LRFN2: variants seen among roughly 807,000 people sequenced by gnomAD.
LRFN2 encodes leucine-rich repeat and fibronectin type-III domain-containing protein 2.
A neutral mutation model predicts 37.3 loss-of-function variants in LRFN2; 18 were observed. The observed-to-expected ratio is 0.48, with a 90% CI of 0.33 to 0.72. LRFN2 has a LOEUF of 0.72. Among genes scored for constraint, LRFN2 ranks in the 30% least tolerant of loss-of-function variants. The pLI is 0.02. For missense variants in LRFN2, 1,006 were observed against 1,060.7 expected, an observed-to-expected ratio of 0.95 and a Z score of 0.72; for synonymous variants, 556 against 466.6, an observed-to-expected ratio of 1.19 and a Z score of -2.47.
intron 1 of LRFN2, among the ~76,000 whole-genome samples, chr6:40,568,157 T>C (rs371813016): frequency 1.3e-5 from 2 of 152,338 alleles, no homozygotes; most frequent in South Asian, 2.1e-4. Flanking sequence ...GAGAAATATG[T>C]ACAGATAACT....
chr6:40,544,913 T>C (rs935905516), intron 1 of LRFN2, among the ~76,000 whole-genome samples: 2 of 152,176 alleles, frequency 1.3e-5, no homozygotes, highest in African/African-American at 4.8e-5. Flanking sequence ...GCAGCTGTGA[T>C]GATTAGGATA....
At chr6:40,488,397 T>C (rs1219959769) in intron 1 of LRFN2, among the ~76,000 whole-genome samples, 2 of 147,894 alleles carry the variant, frequency 1.4e-5, no homozygotes, top group African/African-American at 2.5e-5. Context: ...TGCTCCTTCC[T>C]GGCACCAGCA....
intron 1 of LRFN2, among the ~76,000 whole-genome samples, chr6:40,572,287 A>C (rs1236906898): frequency 6.6e-6 from 1 of 152,222 alleles, no homozygotes; most frequent in East Asian, 1.9e-4. Context: ...AGTGCCCAGC[A>C]TGTAGTAAGT....
chr6:40,574,947 G>A (rs1166371731), intron 1 of LRFN2, among the ~76,000 whole-genome samples: 3 of 152,276 alleles, frequency 2.0e-5, no homozygotes, highest in East Asian at 1.9e-4. Flanking sequence ...AACACACTTC[G>A]CCATGAGTGT....
intron 1 of LRFN2, among the ~76,000 whole-genome samples, chr6:40,434,045 C>T (rs762893729): frequency 2.0e-4 from 30 of 152,314 alleles, no homozygotes; most frequent in Non-Finnish European, 1.2e-4. Context: ...TGCCCCGCCC[C>T]GCTGCATAGC....
At chr6:40,522,580 T>A (rs1766112959) in intron 1 of LRFN2, among the ~76,000 whole-genome samples, 1 of 152,152 alleles carries the variant, frequency 6.6e-6, no homozygotes, top group Admixed American at 6.5e-5. Context: ...GTGACCAGCT[T>A]TCCCAAAGGT....
intron 1 of LRFN2, among the ~76,000 whole-genome samples, chr6:40,538,938 C>G (rs1484520837): frequency 6.6e-6 from 1 of 152,226 alleles, no homozygotes; most frequent in Non-Finnish European, 1.5e-5. Context: ...GTGGTACCCT[C>G]TTGAATGTTG....
chr6:40,474,418 T>C (rs1764666736), intron 1 of LRFN2, among the ~76,000 whole-genome samples: 2 of 152,176 alleles, frequency 1.3e-5, no homozygotes, highest in South Asian at 4.1e-4. Context: ...CTGTCTCTTC[T>C]CCTTTTTTGT....
chr6:40,403,753 T>A (rs986565267), intron 2 of LRFN2, among the ~76,000 whole-genome samples: 1 of 152,176 alleles, frequency 6.6e-6, no homozygotes, highest in African/African-American at 2.4e-5. Flanking sequence ...TCTCTGCAAG[T>A]GGTCAGAGGG....
At chr6:40,470,342 T>C (rs147346889) in intron 1 of LRFN2, among the ~76,000 whole-genome samples, 43 of 152,378 alleles carry the variant, frequency 2.8e-4, no homozygotes, top group African/African-American at 1.0e-3. Flanking sequence ...CTGGGCGCAG[T>C]GGCTCACGCC....
intron 1 of LRFN2, among the ~76,000 whole-genome samples, chr6:40,559,858 G>A (rs897842116): frequency 6.6e-5 from 10 of 152,108 alleles, no homozygotes; most frequent in Non-Finnish European, 1.3e-4. Flanking sequence ...CTTCTCTGCC[G>A]TTCTTCCAAG....
At chr6:40,422,062 C>G (rs1182480386) in intron 2 of LRFN2, among the ~76,000 whole-genome samples, 1 of 152,186 alleles carries the variant, frequency 6.6e-6, no homozygotes, top group Non-Finnish European at 1.5e-5. Flanking sequence ...ATCACTCAGA[C>G]TCAGCTGAGG....
At chr6:40,584,798 T>C (rs1310670661) in intron 1 of LRFN2, among the ~76,000 whole-genome samples, 2 of 151,016 alleles carry the variant, frequency 1.3e-5, no homozygotes, top group African/African-American at 4.9e-5. Flanking sequence ...AACTGGCACT[T>C]GGAGGCCAGA....
chr6:40,416,513 C>T (rs1210700175), intron 2 of LRFN2, among the ~76,000 whole-genome samples: 1 of 152,214 alleles, frequency 6.6e-6, no homozygotes, highest in Non-Finnish European at 1.5e-5. Flanking sequence ...CCTTTTCTTA[C>T]ACTGGACTTT....
At chr6:40,415,353 G>A (rs1763073331) in intron 2 of LRFN2, among the ~76,000 whole-genome samples, 1 of 152,060 alleles carries the variant, frequency 6.6e-6, no homozygotes, top group Admixed American at 6.5e-5. Flanking sequence ...AGCCCCCCAA[G>A]TACCTGGAAT....
At chr6:40,543,962 C>A (rs2113917986) in intron 1 of LRFN2, among the ~76,000 whole-genome samples, 1 of 152,334 alleles carries the variant, frequency 6.6e-6, no homozygotes, top group East Asian at 1.9e-4. Flanking sequence ...CTAGTCATAT[C>A]TTGGGGAAGC....
chr6:40,472,534 G>A (rs572282444), intron 1 of LRFN2, among the ~76,000 whole-genome samples: 2 of 152,254 alleles, frequency 1.3e-5, no homozygotes, highest in Admixed American at 1.3e-4. Context: ...AATGACCTTG[G>A]GGGGCCTGTG....
At chr6:40,397,171 C>T (rs577071875) in intron 2 of LRFN2, among the ~76,000 whole-genome samples, 1 of 152,358 alleles carries the variant, frequency 6.6e-6, no homozygotes, top group Non-Finnish European at 1.5e-5. Context: ...CTGTGTCCCC[C>T]TGTCCACCTC....
chr6:40,459,158 T>C (rs1367978750), intron 1 of LRFN2, among the ~76,000 whole-genome samples: 2 of 152,224 alleles, frequency 1.3e-5, no homozygotes, highest in East Asian at 3.8e-4. Context: ...GCCAGGTCCC[T>C]GGACTAGGCA....
Sources: gnomAD v4.1 joint callset for allele counts (sites outside exome capture counted in the v4.1 genomes callset) on GRCh38, gnomAD v4.1.1 for gene constraint, MANE v1.5 for transcripts, NCBI Gene and HGNC (gene_info 2026-07-23, HGNC 2026-07-21) for gene names.